The following ABTB3 variants were observed in gnomAD, a reference collection of about 807,000 sequenced individuals.
The protein encoded by ABTB3 is ankyrin repeat- and BTB/POZ domain-containing protein 3.
chr12:107,410,114 C>G, the ABTB3 span, among the ~76,000 whole-genome samples: 5 of 151,678 alleles, frequency 3.3e-5, no homozygotes, highest in African/African-American at 1.2e-4. Flanking sequence ...TCGGCCCAGC[C>G]ACTGTGTGAT....
the ABTB3 span, among the ~76,000 whole-genome samples, chr12:107,629,234 T>A: frequency 2.0e-5 from 3 of 147,824 alleles, no homozygotes; most frequent in African/African-American, 7.5e-5. Flanking sequence ...CTGGACAACA[T>A]AGTGAGACCT....
the ABTB3 span, among the ~76,000 whole-genome samples, chr12:107,434,555 A>C: frequency 1.3e-5 from 2 of 152,216 alleles, no homozygotes; most frequent in Admixed American, 1.3e-4. Flanking sequence ...TCTGAGAACT[A>C]TATCTGCATT....
chr12:107,530,467 A>C, the ABTB3 span, among the ~76,000 whole-genome samples: 1 of 152,196 alleles, frequency 6.6e-6, no homozygotes, highest in Non-Finnish European at 1.5e-5. Flanking sequence ...AATTACAGAA[A>C]ACTTGGACAG....
At chr12:107,560,877 G>A in the ABTB3 span, among the ~76,000 whole-genome samples, 46 of 152,286 alleles carry the variant, frequency 3.0e-4, no homozygotes, top group African/African-American at 1.1e-3. Flanking sequence ...TGGTGGCTGT[G>A]TTTGTTTGTG....
the ABTB3 span, among the ~76,000 whole-genome samples, chr12:107,554,827 G>C: frequency 6.6e-6 from 1 of 152,156 alleles, no homozygotes; most frequent in African/African-American, 2.4e-5. Context: ...TCTTATCTCT[G>C]TTCCTTAACC....
At chr12:107,566,498 A>G in the ABTB3 span, among the ~76,000 whole-genome samples, 3 of 152,232 alleles carry the variant, frequency 2.0e-5, no homozygotes, top group Non-Finnish European at 4.4e-5. Context: ...TGTAAAAAAC[A>G]TGTCATTAAG....
At chr12:107,519,665 T>C in the ABTB3 span, among the ~76,000 whole-genome samples, 1 of 152,152 alleles carries the variant, frequency 6.6e-6, no homozygotes, top group African/African-American at 2.4e-5. Flanking sequence ...AGAGAGCAAG[T>C]TCAATTTTAC....
the ABTB3 span, among the ~76,000 whole-genome samples, chr12:107,534,066 A>T: frequency 1.3e-5 from 2 of 152,176 alleles, no homozygotes; most frequent in Non-Finnish European, 2.9e-5. Flanking sequence ...AGCCACAGTG[A>T]CATGCATCTG....
At chr12:107,411,074 C>T in the ABTB3 span, among the ~76,000 whole-genome samples, 2 of 152,074 alleles carry the variant, frequency 1.3e-5, no homozygotes, top group African/African-American at 2.4e-5. Flanking sequence ...CTAAGGTGGG[C>T]GGATCACTTG....
chr12:107,600,515 A>T, the ABTB3 span, among the ~76,000 whole-genome samples: 1 of 152,172 alleles, frequency 6.6e-6, no homozygotes, highest in Non-Finnish European at 1.5e-5. Flanking sequence ...TGCTGGATGG[A>T]GCCATAGTGT....
the ABTB3 span, among the ~76,000 whole-genome samples, chr12:107,386,228 G>A: frequency 3.3e-5 from 5 of 152,138 alleles, no homozygotes; most frequent in African/African-American, 1.2e-4. Context: ...CCTGCCTAAC[G>A]AGGCTAGTTC....
chr12:107,469,958 T>C, the ABTB3 span, among the ~76,000 whole-genome samples: 477 of 67,696 alleles, frequency 7.0e-3, 7 homozygotes, highest in African/African-American at 0.016. Flanking sequence ...CTTTCTTTCT[T>C]TCTTTCTTTC....
chr12:107,366,537 G>A, the ABTB3 span, among the ~76,000 whole-genome samples: 20 of 152,154 alleles, frequency 1.3e-4, no homozygotes, highest in Non-Finnish European at 2.4e-4. Flanking sequence ...GCTGGGGAGT[G>A]GGCTAGGAGG....
the ABTB3 span, among the ~76,000 whole-genome samples, chr12:107,637,786 TTGTGTGTGTGTGTGTGTGTGTGTG>T: frequency 9.9e-4 from 144 of 144,742 alleles, 4 homozygotes; most frequent in South Asian, 0.031. Context: ...AGCACTGATT[TTGTGTGTGTGTGTGTGTGTGTGTG>T]TGTGTGTGTG....
the ABTB3 span, among the ~76,000 whole-genome samples, chr12:107,578,383 C>CTTTTTTTTTTTT: frequency 0.01 from 583 of 57,240 alleles, 29 homozygotes; most frequent in African/African-American, 0.011. Flanking sequence ...CTTTCTTCTT[C>CTTTTTTTTTTTT]TTTTTTTTTT....
At chr12:107,642,906 C>T in the ABTB3 span, among the ~76,000 whole-genome samples, 130 of 152,236 alleles carry the variant, frequency 8.5e-4, 2 homozygotes, top group East Asian at 0.022. Context: ...CGCTTTTCCA[C>T]CTTCCTTCAA....
chr12:107,532,305 A>T, the ABTB3 span, among the ~76,000 whole-genome samples: 57,175 of 152,100 alleles, frequency 0.38, 11,262 homozygotes, highest in African/African-American at 0.47. Context: ...ACCATGCACC[A>T]TTTTGCACCA....
the ABTB3 span, among the ~76,000 whole-genome samples, chr12:107,645,753 C>T: frequency 4.6e-5 from 7 of 152,178 alleles, no homozygotes; most frequent in African/African-American, 1.7e-4. Context: ...CCTCACTGAA[C>T]GAGACCTCCA....
chr12:107,469,924 C>CTT, the ABTB3 span, among the ~76,000 whole-genome samples: 281 of 41,068 alleles, frequency 6.8e-3, 20 homozygotes, highest in Non-Finnish European at 6.4e-3. Flanking sequence ...CTTTCTTTCT[C>CTT]TCTCTCTCTC....
Sources: allele counts gnomAD v4.1 joint callset (sites outside exome capture counted in the v4.1 genomes callset), GRCh38; gene constraint gnomAD v4.1.1; transcripts MANE v1.5; gene names NCBI Gene and HGNC (gene_info 2026-07-23, HGNC 2026-07-21).